CCDC178: variants seen among roughly 807,000 people sequenced by gnomAD.
CCDC178 encodes the protein coiled-coil domain containing 178.
CCDC178 carries 126 observed loss-of-function variants against 117.4 expected under a neutral mutation model. That is an observed-to-expected ratio of 1.07 (90% CI 0.93 to 1.24). The LOEUF (loss-of-function observed/expected upper bound fraction) is 1.24. Among genes scored for constraint, CCDC178 ranks in the 50% most tolerant of loss-of-function variants. The pLI, the probability that CCDC178 is intolerant of heterozygous loss-of-function variation, is 0.00. For synonymous variants in CCDC178, 283 were observed against 313.4 expected, an observed-to-expected ratio of 0.90 and a Z score of 1.02; for missense variants, 1,030 against 986.9, an observed-to-expected ratio of 1.04 and a Z score of -0.59.
At chr18:33,356,804 A>T (rs2063063761) in intron 6 of CCDC178, among the ~76,000 whole-genome samples, 1 of 152,156 alleles carries the variant, frequency 6.6e-6, no homozygotes, top group Non-Finnish European at 1.5e-5. Flanking sequence ...ACTCCAAAAT[A>T]TACTTCTTTG....
intron 4 of CCDC178, among the ~76,000 whole-genome samples, chr18:33,396,438 T>C (rs1204689491): frequency 6.6e-6 from 1 of 152,156 alleles, no homozygotes; most frequent in East Asian, 1.9e-4. Context: ...TTACCAATTC[T>C]GCTGATAGGT....
chr18:33,413,385 T>C (rs2063886428), intron 2 of CCDC178, among the ~76,000 whole-genome samples: 1 of 152,110 alleles, frequency 6.6e-6, no homozygotes, highest in South Asian at 2.1e-4. Flanking sequence ...TAACAGTGTT[T>C]TATGGACATT....
chr18:32,971,160 T>C lies in CCDC178; in HGVS notation c.2523+3387A>G, dbSNP rs111993120. Among the ~76,000 whole-genome samples, 406 of 152,020 alleles carry C rather than the reference T, an allele frequency of 2.7e-3. 3 individuals are homozygous for C. The highest frequency in any genetic ancestry group is 8.3e-3 in the African/African-American group (346 of 41,498). ...CGTGCATTAGGTATTTGTCCTAATGTTCTCCCTCCCCTTACCCCCCACCCC... is the reference window on the plus strand; with the variant it reads ...CGTGCATTAGGTATTTGTCCTAATGCTCTCCCTCCCCTTACCCCCCACCCC... On this transcript the variant is annotated intron_variant, in intron 22 of 22. Coordinates refer to ENST00000383096, the MANE Select transcript of CCDC178 (RefSeq NM_001105528.4).
intron 11 of CCDC178, among the ~76,000 whole-genome samples, chr18:33,299,957 G>T (rs1479409718): frequency 1.3e-5 from 2 of 152,170 alleles, no homozygotes; most frequent in South Asian, 2.1e-4. Flanking sequence ...GTTGATATAG[G>T]TTGGATATTT....
chr18:33,182,014 T>C (rs1468281988), intron 20 of CCDC178, among the ~76,000 whole-genome samples: 1 of 151,826 alleles, frequency 6.6e-6, no homozygotes, highest in Non-Finnish European at 1.5e-5. Context: ...AGCTTATATA[T>C]AAAAGAAATT....
intron 20 of CCDC178, among the ~76,000 whole-genome samples, chr18:33,194,845 C>T (rs2058906671): frequency 6.9e-6 from 1 of 143,890 alleles, no homozygotes; most frequent in Admixed American, 7.3e-5. Context: ...GGAAGAACTG[C>T]TTGAGCCCAG....
At chr18:33,285,385 T>C (rs1266410810) in intron 12 of CCDC178, among the ~76,000 whole-genome samples, 1 of 148,790 alleles carries the variant, frequency 6.7e-6, no homozygotes, top group South Asian at 2.1e-4. Context: ...CACCAAGGTG[T>C]TCTATCAAAT....
At chr18:33,352,444 A>G (rs933380190) in intron 7 of CCDC178, among the ~76,000 whole-genome samples, 7 of 151,758 alleles carry the variant, frequency 4.6e-5, no homozygotes, top group African/African-American at 1.7e-4. Context: ...TTTAACCTTT[A>G]TTTCCTTCCT....
At chr18:33,182,255 G>A (rs990260045) in intron 20 of CCDC178, among the ~76,000 whole-genome samples, 8 of 151,804 alleles carry the variant, frequency 5.3e-5, no homozygotes, top group Admixed American at 4.0e-4. Flanking sequence ...GAAATGTAGG[G>A]AAGTATGCAC....
chr18:32,952,496 G>A (rs2054507715), intron 22 of CCDC178, among the ~76,000 whole-genome samples: 1 of 152,156 alleles, frequency 6.6e-6, no homozygotes, highest in African/African-American at 2.4e-5. Context: ...AAGCAGGTGG[G>A]CAACAGGACA....
intron 3 of CCDC178, among the ~76,000 whole-genome samples, chr18:33,411,550 A>AGAG (rs10680414): frequency 1.3e-5 from 2 of 151,646 alleles, no homozygotes; most frequent in South Asian, 4.1e-4. Flanking sequence ...ATGCAAAAAA[A>AGAG]TAAAGTAATG....
At chr18:33,424,217 A>G (rs977706861) in intron 2 of CCDC178, among the ~76,000 whole-genome samples, 4 of 152,198 alleles carry the variant, frequency 2.6e-5, no homozygotes, top group African/African-American at 9.7e-5. Context: ...AATATGCCCA[A>G]TATTAGTTAG....
At chr18:33,114,742 G>A (rs1043909681) in intron 20 of CCDC178, among the ~76,000 whole-genome samples, 1 of 151,934 alleles carries the variant, frequency 6.6e-6, no homozygotes, top group African/African-American at 2.4e-5. Flanking sequence ...TTTATTTAAA[G>A]GAAACTCAGC....
intron 20 of CCDC178, among the ~76,000 whole-genome samples, chr18:33,154,743 A>G (rs937843261): frequency 6.6e-6 from 1 of 152,168 alleles, no homozygotes; most frequent in East Asian, 1.9e-4. Flanking sequence ...AAAGAATTCA[A>G]TGTGTTTCTA....
At chr18:33,037,546 A>C (rs191895377) in intron 21 of CCDC178, among the ~76,000 whole-genome samples, 2 of 152,032 alleles carry the variant, frequency 1.3e-5, no homozygotes, top group East Asian at 3.9e-4. Flanking sequence ...CTTTCTTTCA[A>C]AATGTTTTCT....
chr18:32,942,366 T>C (rs2054257341), intron 22 of CCDC178, among the ~76,000 whole-genome samples: 1 of 152,136 alleles, frequency 6.6e-6, no homozygotes, highest in Admixed American at 6.6e-5. Flanking sequence ...TTCGCAGCTC[T>C]CTAAGTGAGG....
At chr18:33,433,803 T>TGC (rs2064252104) in intron 2 of CCDC178, among the ~76,000 whole-genome samples, 3 of 151,742 alleles carry the variant, frequency 2.0e-5, no homozygotes, top group South Asian at 2.1e-4. Flanking sequence ...TGTGTGTGTG[T>TGC]GTGTGTGTGG....
chr18:33,125,037 C>T (rs930579601), intron 20 of CCDC178, among the ~76,000 whole-genome samples: 1 of 152,118 alleles, frequency 6.6e-6, no homozygotes, highest in African/African-American at 2.4e-5. Flanking sequence ...TAGTGTTTAG[C>T]ACCTGTTGCC....
chr18:33,141,994 G>T (rs912626709), intron 20 of CCDC178, among the ~76,000 whole-genome samples: 1 of 152,092 alleles, frequency 6.6e-6, no homozygotes, highest in Admixed American at 6.5e-5. Context: ...ACCAACCCCA[G>T]CAAATGCTCA....
Sources: gnomAD v4.1 joint callset for allele counts (sites outside exome capture counted in the v4.1 genomes callset) on GRCh38, gnomAD v4.1.1 for gene constraint, MANE v1.5 for transcripts, NCBI Gene and HGNC (gene_info 2026-07-23, HGNC 2026-07-21) for gene names.